The following MTR variants were observed in gnomAD, a reference collection of about 807,000 sequenced individuals.
MTR encodes the protein methionine synthase.
In MTR, 84 loss-of-function variants were observed where a neutral mutation model predicts 154.8. The observed-to-expected ratio is 0.54, with a 90% confidence interval of 0.45 to 0.65. The LOEUF is 0.65. MTR is among the 30% of genes least tolerant of loss of function. The pLI, the probability that MTR is intolerant of heterozygous loss-of-function variation, is 0.00. For missense variants in MTR, 1,275 were observed against 1,570.2 expected (o/e 0.81, Z 3.18); for synonymous variants, 554 against 553.9 (o/e 1.00, Z 0.00).
At chr1:236,897,310 G>GCACGCGCGCACACACACA (rs1373475510) in intron 32 of MTR, among the ~76,000 whole-genome samples, 192 bp downstream of exon 32, 1 of 128,614 alleles carries the variant, frequency 7.8e-6, no homozygotes, top group Admixed American at 7.6e-5. Flanking sequence ...CCACACACAC[G>GCACGCGCGCACACACACA]CACACACACA....
At chr1:236,854,955 C>G (rs1664119499) in intron 18 of MTR, among the ~76,000 whole-genome samples, 1 of 152,254 alleles carries the variant, frequency 6.6e-6, no homozygotes, top group South Asian at 2.1e-4. Context: ...TTAATGTAAC[C>G]ACGAGGGCTT....
In MTR at chr1:236,894,351, T is replaced by G. The variant is rs1447904074; in HGVS notation, c.3205-6T>G. On this transcript the variant is annotated splice_region_variant and splice_polypyrimidine_tract_variant and intron_variant, in intron 29 of 32. Coordinates refer to ENST00000366577, the MANE Select transcript of MTR (RefSeq NM_000254.3). ...CCCGCACACTCCTACACTCCTTGGTTTTAAGGCTGAGAAGGACTCTGCCAG... is the reference window on the plus strand; with the variant it reads ...CCCGCACACTCCTACACTCCTTGGTGTTAAGGCTGAGAAGGACTCTGCCAG... 1 of 1,614,072 alleles carries G rather than the reference T, an allele frequency of 6.2e-7. No homozygotes were observed. Among genetic ancestry groups the G allele is most frequent in the Non-Finnish European group, 8.5e-7 (1 of 1,180,024 alleles).
intron 2 of MTR, 23 bp from the exon 3 acceptor site, chr1:236,806,121 G>A (rs1397459482): frequency 6.3e-7 from 1 of 1,592,116 alleles, no homozygotes; most frequent in Non-Finnish European, 8.6e-7. Context: ...GCTCATAATT[G>A]ACATTATAAT....
chr1:236,831,195 TA>T (rs1662590497), intron 12 of MTR, among the ~76,000 whole-genome samples: 1 of 152,216 alleles, frequency 6.6e-6, no homozygotes, highest in African/African-American at 2.4e-5. Context: ...CCTAATACTT[TA>T]AATGTAATGA....
intron 24 of MTR, among the ~76,000 whole-genome samples, chr1:236,878,919 G>A (rs936592693): frequency 1.3e-5 from 2 of 152,222 alleles, no homozygotes; most frequent in African/African-American, 4.8e-5. Flanking sequence ...ACTGGCTTAT[G>A]CCTGAATGCC....
chr1:236,870,149 A>T (rs930450625), intron 22 of MTR, among the ~76,000 whole-genome samples: 30 of 152,208 alleles, frequency 2.0e-4, no homozygotes, highest in Non-Finnish European at 3.7e-4. Context: ...TCCCAGTACC[A>T]TAAGTGTCAT....
At position 236,830,827 on chromosome 1, in the gene MTR, G is replaced by A. The variant is rs562179776; in HGVS notation, c.1076-1139G>A. On this transcript the variant is annotated intron_variant, in intron 12 of 32. Coordinates refer to ENST00000366577, the MANE Select transcript of MTR (RefSeq NM_000254.3). ...TAAGCCAGTACCGTGCATGGAAAGC[G>A]ATAATCTCTATCAGTGCACCAAGGG... Among the ~76,000 whole-genome samples the A allele has an allele frequency of 4.7e-4, 72 of 152,262 alleles. 2 individuals are homozygous for A. In the Middle Eastern group the frequency reaches 0.01, roughly 22 times the overall value.
At chr1:236,832,186 G>A (rs1662652729) in intron 13 of MTR, 108 bp downstream of exon 13, 1 of 907,584 alleles carries the variant, frequency 1.1e-6, no homozygotes, top group Non-Finnish European at 1.8e-6. Flanking sequence ...AGAGCTGCTA[G>A]AAAGTGTGAG....
chr1:236,831,947 A>T lies in MTR; in HGVS notation c.1076-19A>T, dbSNP rs781635382. The T allele has an allele frequency of 2.5e-6, 4 of 1,603,980 alleles. No homozygotes were observed. Among genetic ancestry groups the T allele is most frequent in the African/African-American group, 1.3e-5 (1 of 74,712 alleles). On this transcript the variant is annotated intron_variant, in intron 12 of 32. Coordinates refer to ENST00000366577, the MANE Select transcript of MTR (RefSeq NM_000254.3). ...CATATGCATTTGCAGAAATTTTTCA[A>T]AATGCTTCTCCTTTTAAGGTCTAGA...
At chr1:236,796,803 G>GAGT in intron 1 of MTR, among the ~76,000 whole-genome samples, 1 of 106,248 alleles carries the variant, frequency 9.4e-6, no homozygotes, top group Non-Finnish European at 2.0e-5. Context: ...ATTAATAAAT[G>GAGT]TAAACCTCCC....
In MTR at chr1:236,861,711, A is replaced by G. The variant is rs183337778; in HGVS notation, c.2196+434A>G. ...CATTAAGTGGTTTGTTTAAAGTAAA[A>G]CCAGAACTCTTACTTTGATTTACAG... is the stretch of plus-strand genomic sequence containing the variant. On this transcript the variant is annotated intron_variant, in intron 20 of 32. Transcript: ENST00000366577. Among the ~76,000 whole-genome samples, 268 of 152,310 alleles carry G rather than the reference A, an allele frequency of 1.8e-3. 2 individuals carry two copies. The highest frequency in any genetic ancestry group is 0.015 in the Admixed American group (233 of 15,302).
chr1:236,893,099 G>C (rs1331922410), intron 29 of MTR, among the ~76,000 whole-genome samples: 1 of 152,094 alleles, frequency 6.6e-6, no homozygotes, highest in Non-Finnish European at 1.5e-5. Context: ...TCTCTTCGAA[G>C]GTACCATGGG....
At chr1:236,837,791 A>T (rs1298865285) in intron 14 of MTR, among the ~76,000 whole-genome samples, 1 of 152,206 alleles carries the variant, frequency 6.6e-6, no homozygotes, top group Admixed American at 6.5e-5. Flanking sequence ...CTTTGTATCA[A>T]TCTAATTCTT....
intron 25 of MTR, among the ~76,000 whole-genome samples, chr1:236,882,552 G>T (rs532841479): frequency 1.3e-5 from 2 of 151,944 alleles, no homozygotes; most frequent in Admixed American, 6.6e-5. Flanking sequence ...CACCACTTCC[G>T]GCTAATTTTT....
intron 14 of MTR, among the ~76,000 whole-genome samples, chr1:236,836,857 G>A (rs545043573): frequency 1.2e-4 from 18 of 152,298 alleles, no homozygotes; most frequent in African/African-American, 4.3e-4. Context: ...GAAGAGGGTA[G>A]ACTCGCCTTG....
At chr1:236,824,367 G>A in intron 9 of MTR, 148 bp downstream of exon 9, 1 of 769,488 alleles carries the variant, frequency 1.3e-6, no homozygotes, top group African/African-American at 1.7e-5. Flanking sequence ...TGGGTGCAGT[G>A]TTTCCCTGTA....
chr1:236,804,487 C>T (rs552021276), intron 2 of MTR, among the ~76,000 whole-genome samples: 4 of 151,596 alleles, frequency 2.6e-5, no homozygotes, highest in East Asian at 1.9e-4. Flanking sequence ...TACATTGCTT[C>T]GTACTGTCTT....
At chr1:236,797,303 T>C (rs1660449253) in intron 1 of MTR, among the ~76,000 whole-genome samples, 2 of 152,194 alleles carry the variant, frequency 1.3e-5, no homozygotes, top group South Asian at 4.1e-4. Flanking sequence ...AATGGAGAGC[T>C]GGGAATTCCT....
chr1:236,895,033 C>G (rs1348870830), intron 30 of MTR: 1 of 406,094 alleles, frequency 2.5e-6, no homozygotes, highest in Non-Finnish European at 4.6e-6. Flanking sequence ...GAACTAGCAG[C>G]TGTATGGTCC....
Sources: gnomAD v4.1 joint callset for allele counts (sites outside exome capture counted in the v4.1 genomes callset) on GRCh38, gnomAD v4.1.1 for gene constraint, MANE v1.5 for transcripts, NCBI Gene and HGNC (gene_info 2026-07-23, HGNC 2026-07-21) for gene names.